Variants in BMP1 observed in about 807,000 individuals in gnomAD.
The protein encoded by BMP1 is bone morphogenetic protein 1.
In BMP1, 63 loss-of-function variants were observed where a neutral mutation model predicts 116.8. That is an observed-to-expected ratio of 0.54 (90% CI 0.44 to 0.67). The LOEUF (loss-of-function observed/expected upper bound fraction) is 0.67, where lower values mean the gene tolerates loss of function less well. Ranked by LOEUF, BMP1 falls within the 30% of genes least tolerant of loss-of-function variation. The pLI is 0.00. For missense variants in BMP1, 1,183 were observed against 1,358.9 expected, an observed-to-expected ratio of 0.87 and a Z score of 2.04; for synonymous variants, 536 against 533.4, an observed-to-expected ratio of 1.00 and a Z score of -0.07.
chr8:22,207,209 G>C (rs1829377992), intron 17 of BMP1, 94 bp from the exon 18 acceptor site: 4 of 1,440,088 alleles, frequency 2.8e-6, no homozygotes. Context: ...CTGCTCCCAT[G>C]GGTATCTGTG....
intron 8 of BMP1, among the ~76,000 whole-genome samples, chr8:22,184,638 G>T (rs7819541): frequency 0.2 from 30,145 of 152,084 alleles, 5,638 homozygotes; most frequent in African/African-American, 0.5. Flanking sequence ...TTAACAATCA[G>T]GTACCACGGA....
chr8:22,209,318 C>G, intron 18 of BMP1, 127 bp from the exon 19 acceptor site: 3 of 1,462,830 alleles, frequency 2.1e-6, no homozygotes, highest in Non-Finnish European at 2.7e-6. Flanking sequence ...CCCCACCCAC[C>G]CATCACTGGC....
rs763709143 is a variant in BMP1, at chr8:22,193,573, C to T, written c.1181-485C>T. Among the ~76,000 whole-genome samples, 8 of 152,354 alleles carry T rather than the reference C, an allele frequency of 5.3e-5. 1 individual carries two copies. Among genetic ancestry groups the T allele is most frequent in the African/African-American group, 1.7e-4 (7 of 41,588 alleles). ...CCAAGGTGGGTGGATCACCTGAGGTCAGGAGTTCGACACCAGCCTGGCCAA... is the reference window on the plus strand; with the variant it reads ...CCAAGGTGGGTGGATCACCTGAGGTTAGGAGTTCGACACCAGCCTGGCCAA... On this transcript the variant is annotated intron_variant, in intron 9 of 19. Transcript: ENST00000306385.
intron 8 of BMP1, among the ~76,000 whole-genome samples, chr8:22,187,324 A>ATTTATTT (rs1563255890): frequency 8.2e-5 from 12 of 147,004 alleles, no homozygotes; most frequent in African/African-American, 3.0e-4. Context: ...TTAATTAATT[A>ATTTATTT]ATTAATTTAT....
At chr8:22,193,906 A>G in intron 9 of BMP1, 152 bp from the exon 10 acceptor site, 1 of 649,844 alleles carries the variant, frequency 1.5e-6, no homozygotes, top group Non-Finnish European at 2.7e-6. Flanking sequence ...TGGACCAGAC[A>G]GAAGCCAACC....
chr8:22,200,044 C>G (rs544467916), intron 15 of BMP1, among the ~76,000 whole-genome samples: 13 of 152,336 alleles, frequency 8.5e-5, no homozygotes, highest in African/African-American at 3.1e-4. Context: ...CAGCAGACAT[C>G]TTTCTACCTC....
intron 16 of BMP1, among the ~76,000 whole-genome samples, chr8:22,206,607 C>T (rs747195481): frequency 1.9e-4 from 29 of 152,238 alleles, no homozygotes; most frequent in Admixed American, 7.2e-4. Context: ...AGGGAGCCTG[C>T]GATGGCTGCT....
rs910246370 is a variant in BMP1 at position 22,165,426 on chromosome 8, G to C, written c.21G>C (p.Leu7=). Residue 7 remains leucine (L), a synonymous_variant, in exon 1 of 20, where the codon CTG becomes CTC. Coordinates refer to ENST00000306385, the MANE Select transcript of BMP1 (RefSeq NM_006129.5). ...CCAGCATGCCCGGCGTGGCCCGCCT[G>C]CCGCTGCTGCTCGGGCTGCTGCTGC... MPGVAR[L]PLLLGLLLLP... is the part of the protein sequence containing the mutation. 17 of 1,548,068 alleles carry C rather than the reference G, an allele frequency of 1.1e-5. No homozygotes were observed. The highest frequency in any genetic ancestry group is 1.0e-5 in the Non-Finnish European group (12 of 1,153,320).
intron 17 of BMP1, 21 bp downstream of exon 17, chr8:22,207,002 T>C: frequency 6.2e-7 from 1 of 1,613,314 alleles, no homozygotes; most frequent in Non-Finnish European, 8.5e-7. Context: ...CCCTCCCCAC[T>C]CCTTATGCGG....
At chr8:22,178,752 C>G (rs1347447667) in intron 6 of BMP1, among the ~76,000 whole-genome samples, 2 of 152,062 alleles carry the variant, frequency 1.3e-5, no homozygotes, top group Admixed American at 1.3e-4. Context: ...TCCCCTCCCC[C>G]AAGATTCTCC....
intron 15 of BMP1, 104 bp from the exon 16 acceptor site, chr8:22,201,699 C>G (rs1165820216): frequency 2.6e-6 from 4 of 1,538,732 alleles, no homozygotes; most frequent in Middle Eastern, 2.3e-4. Flanking sequence ...AGCTGTTGCT[C>G]TGTCCCGGTG....
In BMP1 at chr8:22,199,135, ACACACGCC is replaced by A. The variant is rs769924669; in HGVS notation, c.2107+1723_2107+1730del. 1.8e-5 allele frequency: 25 copies of A among 1,367,590 alleles called. 1 individual carries two copies. In the South Asian group the frequency reaches 2.3e-4, roughly 12 times the overall value. The allele number at this position is 1,367,590 out of a possible 1,614,324, so 84.7% of individuals were successfully genotyped here. On this transcript the variant is annotated intron_variant, in intron 15 of 19. Coordinates refer to ENST00000306385, the MANE Select transcript of BMP1 (RefSeq NM_006129.5). Reference sequence around the variant, plus strand: ...CCCACCCTCAGCCCTGCACGGAGACACACACGCCCACACGCACACACATGTGCACACAC... The same window carrying A: ...CCCACCCTCAGCCCTGCACGGAGACACACACGCACACACATGTGCACACAC...
Position 22,211,881 on chromosome 8 carries a change from G to A in BMP1, c.*153G>A, listed in dbSNP as rs1213084542. 4 of 1,176,018 alleles carry A rather than the reference G, an allele frequency of 3.4e-6. No individual in the cohort carries two copies. Among genetic ancestry groups the A allele is most frequent in the Non-Finnish European group, 2.4e-6 (2 of 846,992 alleles). 72.8% of individuals were successfully genotyped at this position (1,176,018 alleles called of 1,614,324 possible). A position where few individuals can be genotyped will look rare whatever the true frequency, so the allele number is the denominator to read the frequency against. ...CCTGGTGAGACTGTCCATAGGAGGT[G>A]GGGGAACTGGACTCCGGCATAAGCC... On this transcript the variant is annotated 3_prime_UTR_variant, in exon 20 of 20. Coordinates refer to ENST00000306385, the MANE Select transcript of BMP1 (RefSeq NM_006129.5).
chr8:22,209,799 C>T (rs1829429318), intron 19 of BMP1, 104 bp downstream of exon 19: 6 of 1,349,448 alleles, frequency 4.4e-6, no homozygotes, highest in African/African-American at 4.3e-5. Context: ...ACACAGGCCC[C>T]GGAAGTTGAG....
intron 8 of BMP1, among the ~76,000 whole-genome samples, chr8:22,191,164 T>C (rs772203933): frequency 1.4e-4 from 22 of 152,172 alleles, no homozygotes; most frequent in Non-Finnish European, 3.1e-4. Context: ...GGACAGACAG[T>C]GCCTGTGCCT....
At chr8:22,167,434 A>G (rs1211215437) in intron 1 of BMP1, among the ~76,000 whole-genome samples, 1 of 152,126 alleles carries the variant, frequency 6.6e-6, no homozygotes, top group Non-Finnish European at 1.5e-5. Flanking sequence ...GGCAGAGAAA[A>G]GTGATCACAG....
rs186168934 is a variant in BMP1, at chr8:22,206,766, G to A, written c.2234-88G>A. 22 of 1,520,844 alleles carry A rather than the reference G, an allele frequency of 1.4e-5. No homozygotes were observed. The Admixed American group carries it at 1.5e-4, about 10-fold the overall frequency. 94.2% of individuals were successfully genotyped at this position (1,520,844 alleles called of 1,614,324 possible). ...TGGGACAAGAGATGGAAGAAAGGAG[G>A]GGGGGCAGGAGGGAAGGGCCTTCCC... is the stretch of plus-strand genomic sequence containing the variant. On this transcript the variant is annotated intron_variant, in intron 16 of 19. Transcript: ENST00000306385.
At chr8:22,171,694 T>C in intron 1 of BMP1, 1 of 152,304 alleles carries the variant, frequency 6.6e-6, no homozygotes. Flanking sequence ...ACGTCCAGTT[T>C]TCCAGTGACT....
intron 8 of BMP1, among the ~76,000 whole-genome samples, chr8:22,185,753 CT>C (rs1164829231): frequency 6.6e-6 from 1 of 151,408 alleles, no homozygotes. Flanking sequence ...TCCCGAGTAG[CT>C]GGGATCACAG....
Sources: gnomAD v4.1 joint callset for allele counts (sites outside exome capture counted in the v4.1 genomes callset) on GRCh38, gnomAD v4.1.1 for gene constraint, MANE v1.5 for transcripts, NCBI Gene and HGNC (gene_info 2026-07-23, HGNC 2026-07-21) for gene names.